ZFHX3: variants seen among roughly 807,000 people sequenced by gnomAD.
The protein encoded by ZFHX3 is zinc finger homeobox 3.
Under a neutral mutation model 279.1 loss-of-function variants are expected in ZFHX3, and 42 were observed. The ratio of observed to expected loss-of-function variants is 0.15; its 90% confidence interval spans 0.12 to 0.19. The LOEUF (loss-of-function observed/expected upper bound fraction) is 0.19. Ranked by LOEUF, ZFHX3 falls within the 10% of genes least tolerant of loss-of-function variation. The pLI is 1.00. For missense variants in ZFHX3, 4,981 were observed against 4,754.0 expected (o/e 1.05, Z -1.40); for synonymous variants, 2,293 against 1,957.8 (o/e 1.17, Z -4.52).
In ZFHX3 at chr16:72,788,779, G is replaced by T. The variant is rs143256822; in HGVS notation, c.9497C>A (p.Thr3166Asn). ...GGACGGTTTATTTGGTAATCCAGAAGTGGGGAGGCCAGGGGAAGGAACAGT... is the reference window on the plus strand; with the variant it reads ...GGACGGTTTATTTGGTAATCCAGAATTGGGGAGGCCAGGGGAAGGAACAGT... The part of the protein sequence containing the change: ...STTVPSPGLP[T>N]SGLPNKPSSA... The change falls in exon 10 of 10, where the codon ACT becomes AAT. Residue 3166 changes from threonine (T) to asparagine (N), a missense_variant. Physicochemically the swap from Thr to Asn is moderately conservative, Grantham distance 65. This residue lies in a region of ZFHX3 where 1,034 missense variants were observed against 786.0 expected (regional missense o/e 1.32). Coordinates refer to ENST00000268489, the MANE Select transcript of ZFHX3 (RefSeq NM_006885.4). 1 of 1,554,220 alleles carries T rather than the reference G, an allele frequency of 6.4e-7. No individual in the cohort carries two copies. Among genetic ancestry groups the T allele is most frequent in the South Asian group, 1.3e-5 (1 of 79,578 alleles).
intron 1 of ZFHX3, among the ~76,000 whole-genome samples, chr16:72,999,053 A>G (rs1963397455): frequency 6.6e-6 from 1 of 152,186 alleles, no homozygotes; most frequent in East Asian, 1.9e-4. Context: ...ATTTTGACCT[A>G]ATCTGAGATT....
chr16:73,575,725 G>T (rs1312349608), intron 2 of ZFHX3, among the ~76,000 whole-genome samples: 2 of 152,040 alleles, frequency 1.3e-5, no homozygotes. Context: ...CCTTTCTCTG[G>T]ACGAGGGCTT....
intron 5 of ZFHX3, among the ~76,000 whole-genome samples, chr16:73,216,533 C>T (rs1176097349): frequency 6.6e-6 from 1 of 152,174 alleles, no homozygotes; most frequent in African/African-American, 2.4e-5. Context: ...TTTGTAGTCT[C>T]AGCATGAACC....
intron 3 of ZFHX3, among the ~76,000 whole-genome samples, chr16:73,403,702 G>C (rs1407601483): frequency 6.6e-6 from 1 of 152,196 alleles, no homozygotes; most frequent in Non-Finnish European, 1.5e-5. Flanking sequence ...TGAAAGGCTG[G>C]CCGGTGGCGA....
chr16:73,657,651 A>T (rs915271740), intron 2 of ZFHX3, among the ~76,000 whole-genome samples: 1 of 152,058 alleles, frequency 6.6e-6, no homozygotes, highest in Non-Finnish European at 1.5e-5. Flanking sequence ...TTTATTTTAT[A>T]TCTATATAGA....
intron 2 of ZFHX3, among the ~76,000 whole-genome samples, chr16:73,597,715 G>A (rs150586171): frequency 8.3e-4 from 126 of 152,314 alleles, no homozygotes; most frequent in African/African-American, 2.9e-3. Flanking sequence ...ACAGACTCTA[G>A]CCTTAGGCTT....
intron 2 of ZFHX3, among the ~76,000 whole-genome samples, chr16:73,527,732 C>T (rs1428869696): frequency 6.6e-6 from 1 of 152,170 alleles, no homozygotes; most frequent in Non-Finnish European, 1.5e-5. Flanking sequence ...TGGAAAGGCC[C>T]AGAAGGCCAG....
At position 72,793,775 on chromosome 16, in the gene ZFHX3, C is replaced by A. The variant is rs1159006384; in HGVS notation, c.8907G>T (p.Arg2969Ser). The change falls in exon 9 of 10, where the codon AGG becomes AGT. Residue 2969 changes from arginine to serine, a missense_variant. Transcript: ENST00000268489. This position sits in a 1 kb window ranked among gnomAD's most constrained non-coding sequence, Gnocchi z 4.3. ...KVLKSCFNDY[R>S]TPTMLECEVL... is the part of the protein sequence containing the mutation. ...CCTCACATTCTAGCATAGTGGGTGT[C>A]CTGTAGTCATTAAAGCATGACTTGA... is the stretch of plus-strand genomic sequence containing the variant. 1.9e-6 allele frequency: 3 copies of A among 1,614,132 alleles called. No individual in the cohort carries two copies. Among genetic ancestry groups the A allele is most frequent in the Non-Finnish European group, 2.5e-6 (3 of 1,180,018 alleles).
chr16:73,375,220 T>C (rs1235573427), intron 3 of ZFHX3, among the ~76,000 whole-genome samples: 2 of 152,234 alleles, frequency 1.3e-5, no homozygotes, highest in East Asian at 3.8e-4. Context: ...ATTTGATCTG[T>C]GCATTTCAAT....
chr16:73,280,086 G>A (rs1170026868), intron 4 of ZFHX3, among the ~76,000 whole-genome samples: 1 of 152,070 alleles, frequency 6.6e-6, no homozygotes, highest in Non-Finnish European at 1.5e-5. Context: ...AATGAAATTG[G>A]ACCCCTGTTG....
chr16:73,693,571 G>A (rs1454191026), intron 1 of ZFHX3, among the ~76,000 whole-genome samples: 1 of 151,942 alleles, frequency 6.6e-6, no homozygotes, highest in African/African-American at 2.4e-5. Flanking sequence ...AAGGATAAGA[G>A]GAAAGTTGGG....
chr16:72,904,259 G>C (rs1004947505), intron 3 of ZFHX3, among the ~76,000 whole-genome samples: 7 of 152,000 alleles, frequency 4.6e-5, no homozygotes, highest in Admixed American at 3.3e-4. Context: ...CCAGCTACTT[G>C]GGAGGCTGAG....
intron 1 of ZFHX3, among the ~76,000 whole-genome samples, chr16:73,814,924 G>A (rs1045548974): frequency 5.3e-5 from 8 of 151,968 alleles, no homozygotes; most frequent in African/African-American, 1.7e-4. Flanking sequence ...GAAACACTAG[G>A]ATTTATCATG....
chr16:73,008,757 G>C (rs1963805027), intron 1 of ZFHX3, among the ~76,000 whole-genome samples: 1 of 151,990 alleles, frequency 6.6e-6, no homozygotes, highest in African/African-American at 2.4e-5. Flanking sequence ...ATATTTTTTT[G>C]ATGAAATTTA....
upstream of ZFHX3, chr16:73,062,070 A>G (rs2144744927): frequency 6.6e-6 from 1 of 152,122 alleles, no homozygotes; most frequent in East Asian, 1.9e-4. Flanking sequence ...GGATTATTTT[A>G]CGTACAAAAT....
At chr16:72,918,790 C>T (rs917035391) in intron 3 of ZFHX3, among the ~76,000 whole-genome samples, 3 of 151,242 alleles carry the variant, frequency 2.0e-5, no homozygotes, top group Non-Finnish European at 2.9e-5. Context: ...CTGCCTCCCG[C>T]GTTCACACCA....
chr16:72,929,878 C>T (rs1025736737), intron 3 of ZFHX3, among the ~76,000 whole-genome samples: 1 of 152,150 alleles, frequency 6.6e-6, no homozygotes, highest in African/African-American at 2.4e-5. Flanking sequence ...GGCTCCCAGC[C>T]CCCCAGCATG....
intron 4 of ZFHX3, among the ~76,000 whole-genome samples, chr16:72,841,020 A>G (rs1417336130): frequency 6.6e-6 from 1 of 152,222 alleles, no homozygotes. Flanking sequence ...TACAGGTTGC[A>G]CATTCAAGAA....
intron 3 of ZFHX3, among the ~76,000 whole-genome samples, chr16:72,942,214 C>A (rs1960443453): frequency 6.6e-6 from 1 of 152,234 alleles, no homozygotes; most frequent in African/African-American, 2.4e-5. Flanking sequence ...GAGTTCACAC[C>A]TTTGCCCCAT....
Sources: allele counts gnomAD v4.1 joint callset (sites outside exome capture counted in the v4.1 genomes callset), GRCh38; gene constraint gnomAD v4.1.1; regional missense constraint gnomAD v4.1.1; non-coding constraint Gnocchi (gnomAD v3.1); transcripts MANE v1.5; gene names NCBI Gene and HGNC (gene_info 2026-07-23, HGNC 2026-07-21).